Variants in ADAD1 observed in about 807,000 individuals in gnomAD.
The protein encoded by ADAD1 is adenosine deaminase domain containing 1, also known as adenosine deaminase domain-containing protein 1.
Under a neutral mutation model 66.8 loss-of-function variants are expected in ADAD1, and 46 were observed. The ratio of observed to expected loss-of-function variants is 0.69; its 90% CI spans 0.54 to 0.88. ADAD1 has a LOEUF of 0.88. Ranked by LOEUF, ADAD1 falls within the 40% of genes least tolerant of loss-of-function variation. The probability of loss-of-function intolerance (pLI) is 0.00; values close to 1 mark genes in which losing one functional copy is unlikely to be tolerated. For missense variants in ADAD1, 617 were observed against 681.8 expected (o/e 0.91, Z 1.06); for synonymous variants, 248 against 229.4 (o/e 1.08, Z -0.73).
chr4:122,379,807 C>G (rs1193466170), intron 2 of ADAD1: 3 of 359,814 alleles, frequency 8.3e-6, no homozygotes, highest in Non-Finnish European at 1.5e-5. Flanking sequence ...AGGTCTTTTA[C>G]AGGGACCTCT....
intron 5 of ADAD1, among the ~76,000 whole-genome samples, chr4:122,390,835 C>T (rs570818731): frequency 5.3e-5 from 8 of 152,282 alleles, no homozygotes; most frequent in African/African-American, 1.9e-4. Context: ...TTTTTTGTTA[C>T]CCATCTTCTG....
intron 7 of ADAD1, among the ~76,000 whole-genome samples, chr4:122,398,983 T>A (rs559021950): frequency 6.6e-6 from 1 of 152,150 alleles, no homozygotes; most frequent in Admixed American, 6.6e-5. Flanking sequence ...TTAAGCCTCA[T>A]CTGTTTATCT....
chr4:122,423,257 A>G (rs1797088936), intron 12 of ADAD1, among the ~76,000 whole-genome samples: 1 of 152,214 alleles, frequency 6.6e-6, no homozygotes, highest in Non-Finnish European at 1.5e-5. Context: ...ATTAATGGGG[A>G]AAACTGGTAA....
chr4:122,381,324 ACTT>A (rs1794890789), intron 4 of ADAD1, 144 bp downstream of exon 4: 1 of 849,148 alleles, frequency 1.2e-6, no homozygotes, highest in African/African-American at 1.8e-5. Flanking sequence ...TTATGTTCAC[ACTT>A]CTTTAGCCTT....
chr4:122,404,364 G>A (rs908438043), intron 7 of ADAD1, among the ~76,000 whole-genome samples: 1 of 152,028 alleles, frequency 6.6e-6, no homozygotes, highest in African/African-American at 2.4e-5. Flanking sequence ...TCTCCTACAG[G>A]GCTCTTCCCG....
chr4:122,395,310 C>A (rs1486429105), intron 6 of ADAD1, among the ~76,000 whole-genome samples: 1 of 152,086 alleles, frequency 6.6e-6, no homozygotes, highest in Non-Finnish European at 1.5e-5. Context: ...CTCAGCCTCC[C>A]AAAGTACTGG....
chr4:122,387,828 C>T (rs890477382), intron 5 of ADAD1, among the ~76,000 whole-genome samples: 27 of 150,926 alleles, frequency 1.8e-4, no homozygotes, highest in African/African-American at 6.6e-4. Flanking sequence ...GGCATGATCT[C>T]GGCTCACTGC....
chr4:122,427,527 T>TTC (rs1305616320), intron 12 of ADAD1, among the ~76,000 whole-genome samples: 1 of 123,494 alleles, frequency 8.1e-6, no homozygotes, highest in Non-Finnish European at 1.8e-5. Flanking sequence ...AAAGGCCTTT[T>TTC]TTTTTTTTTT....
intron 5 of ADAD1, among the ~76,000 whole-genome samples, chr4:122,387,591 A>G (rs1437430414): frequency 6.6e-6 from 1 of 151,742 alleles, no homozygotes; most frequent in African/African-American, 2.4e-5. Flanking sequence ...TAGGAGTTCA[A>G]CATACAAAAG....
At chr4:122,391,481 T>A (rs563039307) in intron 5 of ADAD1, among the ~76,000 whole-genome samples, 3 of 152,194 alleles carry the variant, frequency 2.0e-5, no homozygotes, top group Admixed American at 6.5e-5. Flanking sequence ...AGTCTGCTGG[T>A]CCGCAGAGAC....
chr4:122,420,663 A>G (rs894853323), intron 11 of ADAD1, among the ~76,000 whole-genome samples: 1 of 152,232 alleles, frequency 6.6e-6, no homozygotes, highest in South Asian at 2.1e-4. Flanking sequence ...AGAACAACTA[A>G]TGAGAAGATA....
rs777151745 is a variant in ADAD1, at chr4:122,415,636, T to G, written c.1487+20T>G. 21 of 1,590,284 alleles carry G rather than the reference T, an allele frequency of 1.3e-5. No individual in the cohort carries two copies. The highest frequency in any genetic ancestry group is 1.8e-5 in the Non-Finnish European group (21 of 1,159,840). On this transcript the variant is annotated intron_variant, in intron 11 of 12. Coordinates refer to ENST00000296513, the MANE Select transcript of ADAD1 (RefSeq NM_139243.4). ...TGAAAGGTTAAAATTACTAATTTCTTTAAACCATATATTACTTAAGCAAAA... is the reference window on the plus strand; with the variant it reads ...TGAAAGGTTAAAATTACTAATTTCTGTAAACCATATATTACTTAAGCAAAA...
Position 122,412,875 on chromosome 4 carries a change from T to C in ADAD1, c.1249+66T>C, listed in dbSNP as rs1296478318. 10 of 1,367,508 alleles carry C rather than the reference T, an allele frequency of 7.3e-6. No homozygotes were observed. The Admixed American group carries it at 9.9e-5, about 13-fold the overall frequency. 84.7% of individuals were successfully genotyped at this position (1,367,508 alleles called of 1,614,324 possible). On this transcript the variant is annotated intron_variant, in intron 10 of 12. Transcript: ENST00000296513. ...AAGCAAATTCTCTGTATTTTACTTA[T>C]CAGTATAAAATTAGTTTTAGTTTTT...
intron 5 of ADAD1, among the ~76,000 whole-genome samples, chr4:122,391,284 T>A (rs1297940373): frequency 6.6e-6 from 1 of 152,178 alleles, no homozygotes; most frequent in African/African-American, 2.4e-5. Context: ...CTGATGCCGG[T>A]AGGATCACTC....
intron 12 of ADAD1, among the ~76,000 whole-genome samples, chr4:122,427,937 A>G (rs1207035374): frequency 2.0e-5 from 3 of 152,212 alleles, no homozygotes; most frequent in African/African-American, 7.2e-5. Context: ...CAATGTATTG[A>G]TGTAATAATA....
chr4:122,380,963 A>G, intron 3 of ADAD1, 29 bp from the exon 4 acceptor site: 2 of 1,555,372 alleles, frequency 1.3e-6, no homozygotes, highest in Non-Finnish European at 1.7e-6. Context: ...GTTTTAAACC[A>G]AATTGACAAG....
In ADAD1 at chr4:122,411,491, G is replaced by A. The variant is rs116392967; in HGVS notation, c.1019+99G>A. The stretch of plus-strand genomic sequence containing the variant: ...TAGAACATATAAATTCTAATTACCC[G>A]TATTTTCTCTTCAGCTTTGAGTTGT... On this transcript the variant is annotated intron_variant, in intron 9 of 12. Transcript: ENST00000296513. 1.5e-4 allele frequency: 183 copies of A among 1,206,964 alleles called. No homozygotes were observed. In the African/African-American group the frequency reaches 2.3e-3, roughly 15 times the overall value. The allele number at this position is 1,206,964 out of a possible 1,614,324, so 74.8% of individuals were successfully genotyped here.
chr4:122,389,868 T>G (rs922490210), intron 5 of ADAD1, among the ~76,000 whole-genome samples: 2 of 152,188 alleles, frequency 1.3e-5, no homozygotes, highest in Admixed American at 1.3e-4. Flanking sequence ...AAGGTTAGTG[T>G]TGTTATGTGT....
At chr4:122,426,527 C>G (rs1797244628) in intron 12 of ADAD1, among the ~76,000 whole-genome samples, 1 of 151,524 alleles carries the variant, frequency 6.6e-6, no homozygotes, top group Non-Finnish European at 1.5e-5. Context: ...GAAAACCTTA[C>G]AAGAAATGAA....
Sources: allele counts gnomAD v4.1 joint callset (sites outside exome capture counted in the v4.1 genomes callset), GRCh38; gene constraint gnomAD v4.1.1; transcripts MANE v1.5; gene names NCBI Gene and HGNC (gene_info 2026-07-23, HGNC 2026-07-21).